RBM27: variants seen among roughly 807,000 people sequenced by gnomAD.
The protein encoded by RBM27 is RNA binding motif protein 27.
In RBM27, 22 loss-of-function variants were observed where a neutral mutation model predicts 135.3. The observed-to-expected ratio is 0.16, with a 90% CI of 0.12 to 0.23. The LOEUF is 0.23. Among genes scored for constraint, RBM27 ranks in the 10% least tolerant of loss-of-function variants. RBM27 has a pLI of 1.00. For synonymous variants in RBM27, 481 were observed against 442.4 expected (o/e 1.09, Z -1.10); for missense variants, 1,009 against 1,281.0 (o/e 0.79, Z 3.24).
chr5:146,262,603 G>A (rs1758445544), intron 13 of RBM27, among the ~76,000 whole-genome samples: 1 of 152,204 alleles, frequency 6.6e-6, no homozygotes, highest in African/African-American at 2.4e-5. Flanking sequence ...ATTCCTTACA[G>A]TACATGGCAT....
chr5:146,258,424 T>C (rs1388247843), intron 10 of RBM27, 25 bp from the exon 11 acceptor site: 3 of 1,525,524 alleles, frequency 2.0e-6, no homozygotes, highest in Non-Finnish European at 8.8e-7. Flanking sequence ...AAAAACTCAG[T>C]AATTTCAATT....
chr5:146,206,636 G>A (rs1294477905), intron 1 of RBM27, among the ~76,000 whole-genome samples: 2 of 151,756 alleles, frequency 1.3e-5, no homozygotes, highest in Non-Finnish European at 2.9e-5. Flanking sequence ...GCTGGAATGT[G>A]GTGGTGCAAT....
At chr5:146,282,285 C>G (rs1378905695) in intron 19 of RBM27, among the ~76,000 whole-genome samples, 2 of 152,164 alleles carry the variant, frequency 1.3e-5, no homozygotes, top group Non-Finnish European at 2.9e-5. Context: ...GGATTACAGG[C>G]GTGAGCCACC....
At chr5:146,236,247 A>G (rs973574589) in intron 7 of RBM27, among the ~76,000 whole-genome samples, 5 of 152,354 alleles carry the variant, frequency 3.3e-5, no homozygotes, top group Non-Finnish European at 1.5e-5. Flanking sequence ...AGGTTCTACA[A>G]TTAGCATTTT....
intron 6 of RBM27, among the ~76,000 whole-genome samples, chr5:146,231,311 G>A (rs1353494023): frequency 6.6e-6 from 1 of 152,028 alleles, no homozygotes; most frequent in Non-Finnish European, 1.5e-5. Flanking sequence ...CACCATTTTG[G>A]TCTGGCTGGT....
At position 146,271,526 on chromosome 5, in the gene RBM27, T is replaced by C. The variant is rs1209889861; in HGVS notation, c.2840T>C (p.Met947Thr). Residue 947 changes from methionine to threonine, a missense_variant, in exon 19 of 21, where the codon ATG (methionine) becomes ACG (threonine). Transcript: ENST00000265271. ...GILPVGRGKT[M>T]SSQGRGRGRG... ...TTACCTGTGGGTCGAGGAAAGACCATGTCCTCTCAAGGTCGAGGAAGAGGC... is the reference window on the plus strand; with the variant it reads ...TTACCTGTGGGTCGAGGAAAGACCACGTCCTCTCAAGGTCGAGGAAGAGGC... 3 of 1,613,702 alleles carry C rather than the reference T, an allele frequency of 1.9e-6. No individual in the cohort carries two copies. The highest frequency in any genetic ancestry group is 2.5e-6 in the Non-Finnish European group (3 of 1,179,700).
At chr5:146,210,673 C>T (rs1349572022) in intron 1 of RBM27, among the ~76,000 whole-genome samples, 1 of 152,202 alleles carries the variant, frequency 6.6e-6, no homozygotes, top group East Asian at 1.9e-4. Flanking sequence ...TATAGCCGGG[C>T]ACGGTGGCTC....
intron 3 of RBM27, among the ~76,000 whole-genome samples, chr5:146,225,283 C>G (rs773405440): frequency 2.6e-5 from 4 of 151,976 alleles, no homozygotes; most frequent in Non-Finnish European, 5.9e-5. Flanking sequence ...TTTTTTATAG[C>G]ATGTTCTTTT....
rs375522779 is a variant in RBM27, at chr5:146,230,673, G to C, written c.606G>C (p.Ser202=). ...TCCAAGTAGAGCACAGGGAAAGATC[G>C]AAGTTTAAGAGTGAAAGGAATGACC... ...PNRNVEHRER[S]KFKSERNDLE... The change falls in exon 6 of 21, where the codon TCG becomes TCC. Residue 202 remains serine (S), a synonymous_variant. Transcript: ENST00000265271. 3.7e-6 allele frequency: 6 copies of C among 1,613,968 alleles called. No individual in the cohort carries two copies. The highest frequency in any genetic ancestry group is 5.1e-6 in the Non-Finnish European group (6 of 1,179,932).
At chr5:146,258,426 A>ATTTCAATTTT in intron 10 of RBM27, 23 bp from the exon 11 acceptor site, 3 of 1,526,600 alleles carry the variant, frequency 2.0e-6, no homozygotes, top group Non-Finnish European at 2.6e-6. Flanking sequence ...AAACTCAGTA[A>ATTTCAATTTT]TTTCAATTTT....
chr5:146,284,004 T>C (rs1276098457), intron 19 of RBM27, among the ~76,000 whole-genome samples: 1 of 152,164 alleles, frequency 6.6e-6, no homozygotes, highest in East Asian at 1.9e-4. Context: ...CTTTCCCCTA[T>C]TGGAATTTGC....
intron 9 of RBM27, 96 bp downstream of exon 9, chr5:146,251,971 C>T: frequency 7.5e-7 from 1 of 1,335,464 alleles, no homozygotes; most frequent in South Asian, 1.3e-5. Context: ...TCTGCTGTTA[C>T]AAAGTCCCAT....
intron 1 of RBM27, among the ~76,000 whole-genome samples, chr5:146,204,209 G>A (rs1463393763): frequency 6.6e-6 from 1 of 152,180 alleles, no homozygotes; most frequent in Non-Finnish European, 1.5e-5. Flanking sequence ...GAAGGGAATA[G>A]CAGAATATCA....
In RBM27 at chr5:146,288,660, T is replaced by C. The variant is rs2126936747; in HGVS notation, c.*2630T>C. The C allele has an allele frequency of 6.6e-6, 1 of 152,212 alleles. No homozygotes were observed. Among genetic ancestry groups the C allele is most frequent in the African/African-American group, 2.4e-5 (1 of 41,560 alleles). The allele number at this position is 152,212 out of a possible 1,614,324, so 9.4% of individuals were successfully genotyped here. A position where few individuals can be genotyped will look rare whatever the true frequency, so the allele number is the denominator to read the frequency against. On this transcript the variant is annotated 3_prime_UTR_variant, in exon 21 of 21. Transcript: ENST00000265271. ...AGCAAGTTCTGTCCCTCTTAATGTGTATGACATCTTTTTAAGTAGCTGATC... is the reference window on the plus strand; with the variant it reads ...AGCAAGTTCTGTCCCTCTTAATGTGCATGACATCTTTTTAAGTAGCTGATC...
At chr5:146,242,244 A>T (rs1757436899) in intron 8 of RBM27, among the ~76,000 whole-genome samples, 1 of 152,182 alleles carries the variant, frequency 6.6e-6, no homozygotes, top group African/African-American at 2.4e-5. Flanking sequence ...TTAATCTTTT[A>T]ATATTTGATT....
chr5:146,258,257 C>G (rs1424459390), intron 10 of RBM27, among the ~76,000 whole-genome samples, 192 bp from the exon 11 acceptor site: 1 of 152,118 alleles, frequency 6.6e-6, no homozygotes, highest in Non-Finnish European at 1.5e-5. Flanking sequence ...TCGAGGTTAA[C>G]TTTGAGTTTT....
chr5:146,221,928 T>C (rs1422572899), intron 2 of RBM27, among the ~76,000 whole-genome samples: 1 of 152,158 alleles, frequency 6.6e-6, no homozygotes, highest in Non-Finnish European at 1.5e-5. Context: ...TTGAATATTG[T>C]TTTTATTTTT....
intron 1 of RBM27, among the ~76,000 whole-genome samples, chr5:146,205,133 G>A (rs1755572459): frequency 6.6e-6 from 1 of 152,206 alleles, no homozygotes; most frequent in Admixed American, 6.5e-5. Context: ...CCTGACTTCA[G>A]GTGATCCGCT....
At chr5:146,265,952 A>G (rs945215968) in intron 14 of RBM27, among the ~76,000 whole-genome samples, 6 of 152,206 alleles carry the variant, frequency 3.9e-5, no homozygotes, top group African/African-American at 1.4e-4. Flanking sequence ...AGGCAACAAA[A>G]TATTCCCCAA....
Sources: allele counts gnomAD v4.1 joint callset (sites outside exome capture counted in the v4.1 genomes callset), GRCh38; gene constraint gnomAD v4.1.1; transcripts MANE v1.5; gene names NCBI Gene and HGNC (gene_info 2026-07-23, HGNC 2026-07-21).